SEMA5B: variants seen among roughly 807,000 people sequenced by gnomAD.
SEMA5B encodes the protein semaphorin 5B, also known as semaphorin-5B.
A neutral mutation model predicts 135.0 loss-of-function variants in SEMA5B; 66 were observed. That is an observed-to-expected ratio of 0.49 (90% CI 0.40 to 0.60). The LOEUF (loss-of-function observed/expected upper bound fraction) is 0.60. Ranked by LOEUF, SEMA5B falls within the 20% of genes least tolerant of loss-of-function variation. The pLI, the probability that SEMA5B is intolerant of heterozygous loss-of-function variation, is 0.00. For missense variants in SEMA5B, 1,501 were observed against 1,566.3 expected, an observed-to-expected ratio of 0.96 and a Z score of 0.70; for synonymous variants, 690 against 639.5, an observed-to-expected ratio of 1.08 and a Z score of -1.19.
At chr3:122,912,140 G>A (rs371014043) in intron 19 of SEMA5B, 32 bp downstream of exon 19, 80 of 1,581,000 alleles carry the variant, frequency 5.1e-5, no homozygotes, top group Non-Finnish European at 6.8e-5. Context: ...GCTCCATGTC[G>A]CTTCCCAGCC....
rs537558021 is a variant in SEMA5B at position 122,968,815 on chromosome 3, T to G, written c.-38-7514A>C. The stretch of plus-strand genomic sequence containing the variant: ...ACATTCTTACATCTTTTCTGCCACA[T>G]GAGCCAACATTCAAGGGTCCTAATA... On this transcript the variant is annotated intron_variant, in intron 1 of 22. Coordinates refer to ENST00000357599, the MANE Select transcript of SEMA5B (RefSeq NM_001031702.4). 4.1e-5 allele frequency among the ~76,000 whole-genome samples: 6 copies of G among 147,734 alleles called. No homozygotes were observed. In the East Asian group the frequency reaches 1.3e-3, roughly 32 times the overall value.
intron 12 of SEMA5B, among the ~76,000 whole-genome samples, chr3:122,916,786 CAG>C (rs1337262578): frequency 1.3e-5 from 2 of 152,098 alleles, no homozygotes; most frequent in African/African-American, 4.8e-5. Flanking sequence ...TGGCAGGAAT[CAG>C]AGTCTAGTGC....
chr3:122,996,328 T>G (rs894721818), intron 1 of SEMA5B, among the ~76,000 whole-genome samples: 1 of 152,228 alleles, frequency 6.6e-6, no homozygotes, highest in African/African-American at 2.4e-5. Flanking sequence ...AAAGGCCAGA[T>G]GGACGTCCCT....
intron 1 of SEMA5B, among the ~76,000 whole-genome samples, chr3:123,011,373 C>T (rs1007104450): frequency 2.6e-5 from 4 of 152,242 alleles, no homozygotes; most frequent in Non-Finnish European, 4.4e-5. Flanking sequence ...CACACCTGAG[C>T]AAGGTCAGGG....
intron 1 of SEMA5B, among the ~76,000 whole-genome samples, chr3:123,000,325 G>A (rs984070149): frequency 6.6e-6 from 1 of 152,188 alleles, no homozygotes; most frequent in Non-Finnish European, 1.5e-5. Context: ...AGGTCCCAGA[G>A]GTGGTGCAGG....
intron 1 of SEMA5B, among the ~76,000 whole-genome samples, chr3:122,997,923 T>C (rs1190306951): frequency 2.0e-5 from 3 of 152,158 alleles, no homozygotes; most frequent in African/African-American, 7.2e-5. Context: ...CCCCAGCCTC[T>C]AGGTATCACC....
At chr3:123,016,269 G>A (rs1338102757) in intron 1 of SEMA5B, among the ~76,000 whole-genome samples, 2 of 152,212 alleles carry the variant, frequency 1.3e-5, no homozygotes, top group African/African-American at 4.8e-5. Flanking sequence ...GTATTCTGTA[G>A]GAAAGGCAAC....
At chr3:122,957,628 C>T (rs1308844800) in intron 2 of SEMA5B, among the ~76,000 whole-genome samples, 1 of 152,180 alleles carries the variant, frequency 6.6e-6, no homozygotes, top group Admixed American at 6.5e-5. Flanking sequence ...TGACAGCATG[C>T]TAGGCACTGT....
rs558503090 is a variant in SEMA5B at position 122,982,129 on chromosome 3, C to T, written c.-38-20828G>A. On this transcript the variant is annotated intron_variant, in intron 1 of 22. Coordinates refer to ENST00000357599, the MANE Select transcript of SEMA5B (RefSeq NM_001031702.4). The stretch of plus-strand genomic sequence containing the variant: ...CACAGGTAGGACAAGGGTGGAGGGT[C>T]GAGTCTCTTGACTTCTCATGTCCCA... Among the ~76,000 whole-genome samples the T allele has an allele frequency of 3.9e-5, 6 of 152,298 alleles. No homozygotes were observed. In the South Asian group the frequency reaches 1.2e-3, roughly 32 times the overall value.
intron 1 of SEMA5B, among the ~76,000 whole-genome samples, chr3:122,979,397 C>G (rs927372386): frequency 6.6e-6 from 1 of 152,222 alleles, no homozygotes; most frequent in Non-Finnish European, 1.5e-5. Context: ...CCTCCCAACT[C>G]TCTTCCCGGA....
At chr3:123,026,803 T>G (rs1358601714) in intron 1 of SEMA5B, among the ~76,000 whole-genome samples, 2 of 152,196 alleles carry the variant, frequency 1.3e-5, no homozygotes, top group African/African-American at 4.8e-5. Context: ...TGCTTCCAGC[T>G]GCCGCACCCC....
At chr3:122,964,324 A>G (rs12630339) in intron 1 of SEMA5B, among the ~76,000 whole-genome samples, 45,760 of 152,028 alleles carry the variant, frequency 0.3, 7,997 homozygotes, top group African/African-American at 0.49. Context: ...TGAGCCAAGT[A>G]TGTGGGGTGG....
chr3:123,020,172 GT>G (rs1942645339), intron 1 of SEMA5B, among the ~76,000 whole-genome samples: 1 of 152,134 alleles, frequency 6.6e-6, no homozygotes, highest in Non-Finnish European at 1.5e-5. Flanking sequence ...GTGAAAAATG[GT>G]TTACAATTTA....
intron 1 of SEMA5B, among the ~76,000 whole-genome samples, chr3:122,969,332 G>A (rs968212697): frequency 6.6e-6 from 1 of 152,192 alleles, no homozygotes. Context: ...CACCAGGAAG[G>A]AAGGTGAAGG....
intron 1 of SEMA5B, among the ~76,000 whole-genome samples, chr3:123,012,161 C>G (rs1275810972): frequency 2.0e-5 from 3 of 152,196 alleles, no homozygotes; most frequent in Non-Finnish European, 4.4e-5. Context: ...CGTGTGTAAA[C>G]CGGGGCTCAT....
At chr3:123,016,514 G>C (rs1942560985) in intron 1 of SEMA5B, among the ~76,000 whole-genome samples, 1 of 152,120 alleles carries the variant, frequency 6.6e-6, no homozygotes. Context: ...GTTGTTTAGG[G>C]AATAATTACA....
intron 5 of SEMA5B, among the ~76,000 whole-genome samples, chr3:122,934,370 C>CTAAA (rs1270475637): frequency 1.3e-5 from 2 of 152,184 alleles, no homozygotes; most frequent in African/African-American, 2.4e-5. Context: ...ATGAAGTAAT[C>CTAAA]TTGCCAGAAT....
At chr3:122,957,936 C>A (rs925501226) in intron 2 of SEMA5B, among the ~76,000 whole-genome samples, 1 of 152,258 alleles carries the variant, frequency 6.6e-6, no homozygotes, top group African/African-American at 2.4e-5. Flanking sequence ...TCTGAGTTGG[C>A]TTCCTTACTA....
intron 3 of SEMA5B, among the ~76,000 whole-genome samples, chr3:122,947,507 A>G (rs745442): frequency 0.014 from 2,059 of 152,228 alleles, 48 homozygotes; most frequent in African/African-American, 0.047. Context: ...GGGGCTCCGC[A>G]TGTCCTCCTG....
Sources: gnomAD v4.1 joint callset for allele counts (sites outside exome capture counted in the v4.1 genomes callset) on GRCh38, gnomAD v4.1.1 for gene constraint, MANE v1.5 for transcripts, NCBI Gene and HGNC (gene_info 2026-07-23, HGNC 2026-07-21) for gene names.